The following ATP10B variants were observed in gnomAD, a reference collection of about 807,000 sequenced individuals.
ATP10B encodes phospholipid-transporting ATPase VB.
ATP10B carries 122 observed loss-of-function variants against 141.2 expected under a neutral mutation model. The observed-to-expected ratio is 0.86, with a 90% CI of 0.75 to 1.00. The LOEUF (loss-of-function observed/expected upper bound fraction) is 1.00. ATP10B is among the 50% of genes least tolerant of loss of function. The probability of loss-of-function intolerance (pLI) is 0.00; values close to 1 mark genes in which losing one functional copy is unlikely to be tolerated. For synonymous variants in ATP10B, 685 were observed against 692.0 expected (o/e 0.99, Z 0.16); for missense variants, 1,876 against 1,825.3 (o/e 1.03, Z -0.51).
intron 1 of ATP10B, among the ~76,000 whole-genome samples, chr5:160,834,332 AAAT>A (rs1366391509): frequency 1.3e-5 from 2 of 152,050 alleles, no homozygotes; most frequent in Non-Finnish European, 2.9e-5. Context: ...CCCCAAAATA[AAAT>A]AATAAAATAA....
the ATP10B span, among the ~76,000 whole-genome samples, chr5:160,873,752 C>T: frequency 4.6e-5 from 7 of 152,208 alleles, no homozygotes; most frequent in Non-Finnish European, 8.8e-5. Context: ...GGTCCCTTTC[C>T]GAGTCAAAGA....
Position 160,605,944 on chromosome 5 carries a change from G to A in ATP10B, c.3160+821C>T, listed in dbSNP as rs530003278. ...GTGCTGTGGGAGCCCCCAGGGGAAA[G>A]CAAAGTTAGGTAGGATTGGAAGAAG... is the stretch of plus-strand genomic sequence containing the variant. On this transcript the variant is annotated intron_variant, in intron 19 of 25. Coordinates refer to ENST00000327245, the MANE Select transcript of ATP10B (RefSeq NM_025153.3). Among the ~76,000 whole-genome samples, 10 of 152,342 alleles carry A rather than the reference G, an allele frequency of 6.6e-5. No individual in the cohort carries two copies. In the South Asian group the frequency reaches 1.2e-3, roughly 19 times the overall value.
chr5:160,622,402 T>G lies in ATP10B; in HGVS notation c.1804A>C (p.Arg602=), dbSNP rs1758396032. The change falls in exon 14 of 26, where the codon AGG becomes CGG. Residue 602 remains arginine (R), a synonymous_variant. Coordinates refer to ENST00000327245, the MANE Select transcript of ATP10B (RefSeq NM_025153.3). ...CCATCGCTGGTCCTTACCCTCTGCC[T>G]GGGCTCGGTGGTTGTGGACACCATG... ...SVMVSTTTEP[R]QRVTIKPSSK... 1.9e-6 allele frequency: 3 copies of G among 1,612,650 alleles called. No individual in the cohort carries two copies. The highest frequency in any genetic ancestry group is 2.5e-6 in the Non-Finnish European group (3 of 1,179,460).
At chr5:160,927,577 T>C in the ATP10B span, among the ~76,000 whole-genome samples, 133 of 152,328 alleles carry the variant, frequency 8.7e-4, no homozygotes, top group East Asian at 0.012. Flanking sequence ...CTGAGGTGGA[T>C]TGAGCAGAGG....
At chr5:160,912,252 G>A in the ATP10B span, among the ~76,000 whole-genome samples, 1 of 151,984 alleles carries the variant, frequency 6.6e-6, no homozygotes, top group Non-Finnish European at 1.5e-5. Flanking sequence ...GAGACATTGA[G>A]GTGAAAATGA....
chr5:160,707,351 C>A lies in ATP10B; in HGVS notation c.-205+9558G>T, dbSNP rs1446487249. Among the ~76,000 whole-genome samples the A allele has an allele frequency of 6.6e-5, 10 of 152,314 alleles. No homozygotes were observed. The South Asian group carries it at 1.9e-3, about 28-fold the overall frequency. On this transcript the variant is annotated intron_variant, in intron 3 of 25. Coordinates refer to ENST00000327245, the MANE Select transcript of ATP10B (RefSeq NM_025153.3). ...GTGGGATCCCCCAAATCTAGGACCC[C>A]CTAAGCTGGTATTGCTGGACAGTGA...
At position 160,817,043 on chromosome 5, in the gene ATP10B, A is replaced by G. The variant is rs570967580; in HGVS notation, c.-575-31240T>C. Among the ~76,000 whole-genome samples the G allele has an allele frequency of 7.0e-3, 1,065 of 152,318 alleles. 18 individuals are homozygous for G. The highest frequency in any genetic ancestry group is 0.024 in the African/African-American group (1,004 of 41,572). ...TATCTATGACAAACCCACAGCCAAT[A>G]TCATACTGAATGGGCAAAAACTGGA... On this transcript the variant is annotated intron_variant, in intron 1 of 25. Transcript: ENST00000327245.
At position 160,669,020 on chromosome 5, in the gene ATP10B, T is replaced by G. The variant is rs1762497655; in HGVS notation, c.675+1443A>C. Among the ~76,000 whole-genome samples, 5 of 152,232 alleles carry G rather than the reference T, an allele frequency of 3.3e-5. No individual in the cohort carries two copies. The South Asian group carries it at 1.0e-3, about 32-fold the overall frequency. On this transcript the variant is annotated intron_variant, in intron 7 of 25. Coordinates refer to ENST00000327245, the MANE Select transcript of ATP10B (RefSeq NM_025153.3). Reference sequence around the variant, plus strand: ...CTAGCTCATGAGAATCTCTGAGGAATAAATCATTTGCTTTCCTTCTCCCAA... The same window carrying G: ...CTAGCTCATGAGAATCTCTGAGGAAGAAATCATTTGCTTTCCTTCTCCCAA...
At chr5:160,765,304 C>T (rs372056781) in intron 2 of ATP10B, among the ~76,000 whole-genome samples, 4 of 152,192 alleles carry the variant, frequency 2.6e-5, no homozygotes, top group African/African-American at 9.6e-5. Context: ...GGAGACATCA[C>T]ATTAATCAAC....
At chr5:160,591,238 G>T in intron 22 of ATP10B, 99 bp from the exon 23 acceptor site, 1 of 851,286 alleles carries the variant, frequency 1.2e-6, no homozygotes, top group Non-Finnish European at 1.9e-6. Context: ...ACAACCAGAC[G>T]CATACAATGC....
intron 3 of ATP10B, 144 bp downstream of exon 3, chr5:160,716,765 G>GT: frequency 4.0e-6 from 2 of 505,396 alleles, no homozygotes; most frequent in Non-Finnish European, 5.1e-6. Context: ...GCGGGACCCC[G>GT]TTTTTTCTGT....
At chr5:160,757,321 G>A (rs1167843092) in intron 2 of ATP10B, among the ~76,000 whole-genome samples, 1 of 152,102 alleles carries the variant, frequency 6.6e-6, no homozygotes, top group East Asian at 1.9e-4. Context: ...AAGTAGTTAT[G>A]CTTTCCTTTG....
At chr5:160,724,743 G>C (rs546329668) in intron 2 of ATP10B, among the ~76,000 whole-genome samples, 2 of 152,244 alleles carry the variant, frequency 1.3e-5, no homozygotes, top group African/African-American at 4.8e-5. Context: ...CCTCTGTCTT[G>C]ATACCTGCAA....
the ATP10B span, among the ~76,000 whole-genome samples, chr5:160,904,798 G>T: frequency 6.6e-6 from 1 of 152,170 alleles, no homozygotes; most frequent in African/African-American, 2.4e-5. Context: ...TTTTCATGGA[G>T]ACCTTATGCT....
chr5:160,895,886 T>C, the ATP10B span, among the ~76,000 whole-genome samples: 1 of 152,164 alleles, frequency 6.6e-6, no homozygotes, highest in South Asian at 2.1e-4. Context: ...AACTCAAGAT[T>C]AAGAAACTCC....
chr5:160,735,917 A>C (rs1767085420), intron 2 of ATP10B, among the ~76,000 whole-genome samples: 2 of 152,180 alleles, frequency 1.3e-5, no homozygotes, highest in African/African-American at 4.8e-5. Flanking sequence ...GAAATTAAGG[A>C]AATTAAAAAA....
chr5:160,618,967 G>T lies in ATP10B; in HGVS notation c.2417-994C>A, dbSNP rs1315978338. ...ATTCTTAACAGAAAAGTATAATGAAGTCCAACAAAACTCTGATTTTTCCAT... is the reference window on the plus strand; with the variant it reads ...ATTCTTAACAGAAAAGTATAATGAATTCCAACAAAACTCTGATTTTTCCAT... On this transcript the variant is annotated intron_variant, in intron 15 of 25. Coordinates refer to ENST00000327245, the MANE Select transcript of ATP10B (RefSeq NM_025153.3). 2.6e-5 allele frequency among the ~76,000 whole-genome samples: 4 copies of T among 152,222 alleles called. No individual in the cohort carries two copies. The East Asian group carries it at 7.7e-4, about 29-fold the overall frequency.
At chr5:160,622,828 G>A (rs1758425774) in intron 13 of ATP10B, among the ~76,000 whole-genome samples, 1 of 152,104 alleles carries the variant, frequency 6.6e-6, no homozygotes, top group African/African-American at 2.4e-5. Flanking sequence ...CCCACCATTT[G>A]TGTTGCTTCC....
intron 1 of ATP10B, among the ~76,000 whole-genome samples, chr5:160,821,041 C>T (rs576244817): frequency 5.3e-5 from 8 of 152,080 alleles, no homozygotes; most frequent in African/African-American, 1.2e-4. Context: ...AGAAACCAAG[C>T]GCATCCAAAT....
Sources: allele counts gnomAD v4.1 joint callset (sites outside exome capture counted in the v4.1 genomes callset), GRCh38; gene constraint gnomAD v4.1.1; transcripts MANE v1.5; gene names NCBI Gene and HGNC (gene_info 2026-07-23, HGNC 2026-07-21).